The following MYCBP2 variants were observed in gnomAD, a reference collection of about 807,000 sequenced individuals.
MYCBP2 encodes MYC binding protein 2, also known as E3 ubiquitin-protein ligase MYCBP2.
In MYCBP2, 120 loss-of-function variants were observed where a neutral mutation model predicts 525.3. The observed-to-expected ratio is 0.23, with a 90% CI of 0.20 to 0.27. The LOEUF (loss-of-function observed/expected upper bound fraction) is 0.27. MYCBP2 is among the 10% of genes least tolerant of loss of function. The pLI, the probability that MYCBP2 is intolerant of heterozygous loss-of-function variation, is 1.00. For synonymous variants in MYCBP2, 1,894 were observed against 1,955.8 expected, an observed-to-expected ratio of 0.97 and a Z score of 0.83; for missense variants, 4,149 against 5,657.1, an observed-to-expected ratio of 0.73 and a Z score of 8.55.
At chr13:77,166,056 C>T (rs1470199842) in intron 41 of MYCBP2, among the ~76,000 whole-genome samples, 1 of 152,168 alleles carries the variant, frequency 6.6e-6, no homozygotes, top group Non-Finnish European at 1.5e-5. Flanking sequence ...ACTACACAGA[C>T]AGCTAGCTAC....
intron 43 of MYCBP2, among the ~76,000 whole-genome samples, chr13:77,162,669 T>C (rs898976236): frequency 2.0e-5 from 3 of 152,160 alleles, no homozygotes; most frequent in Non-Finnish European, 1.5e-5. Context: ...TCTTTTTTTT[T>C]CTTTTGAGAT....
At chr13:77,315,450 TATG>T (rs1290772329) in intron 1 of MYCBP2, among the ~76,000 whole-genome samples, 10 of 152,218 alleles carry the variant, frequency 6.6e-5, no homozygotes, top group Admixed American at 3.9e-4. Flanking sequence ...ACATTCCAAA[TATG>T]ATGGTTTTAT....
chr13:77,060,097 T>C (rs563121020), intron 76 of MYCBP2, among the ~76,000 whole-genome samples: 34 of 152,288 alleles, frequency 2.2e-4, no homozygotes, highest in Middle Eastern at 3.4e-3. Context: ...TCAGGAACTC[T>C]GCAATTTGAA....
chr13:77,244,207 T>G (rs2069453728), intron 15 of MYCBP2, among the ~76,000 whole-genome samples: 1 of 152,222 alleles, frequency 6.6e-6, no homozygotes, highest in Admixed American at 6.5e-5. Context: ...GATTCGACTA[T>G]CATCAAAGTC....
intron 46 of MYCBP2, among the ~76,000 whole-genome samples, chr13:77,152,671 G>A (rs764758919): frequency 1.3e-5 from 2 of 152,158 alleles, no homozygotes; most frequent in Non-Finnish European, 2.9e-5. Flanking sequence ...TAGGAGAGGA[G>A]CATGGCTGGA....
At chr13:77,285,828 G>C (rs1025969578) in intron 3 of MYCBP2, among the ~76,000 whole-genome samples, 4 of 144,446 alleles carry the variant, frequency 2.8e-5, no homozygotes, top group Non-Finnish European at 6.0e-5. Context: ...AAGGGAAAAG[G>C]AAAGGGAAAA....
At chr13:77,070,532 C>T (rs2041014198) in intron 69 of MYCBP2, 99 bp downstream of exon 69, 1 of 796,884 alleles carries the variant, frequency 1.3e-6, no homozygotes, top group Non-Finnish European at 2.0e-6. Flanking sequence ...TTGGACATCC[C>T]TGCTTTATAC....
chr13:77,148,258 A>T (rs1390566563), intron 47 of MYCBP2, among the ~76,000 whole-genome samples: 1 of 152,100 alleles, frequency 6.6e-6, no homozygotes, highest in African/African-American at 2.4e-5. Flanking sequence ...TTTGGTGAGT[A>T]AAAAGTGAGA....
chr13:77,096,209 T>C, intron 57 of MYCBP2, 103 bp downstream of exon 57: 2 of 1,150,512 alleles, frequency 1.7e-6, no homozygotes, highest in South Asian at 4.1e-5. Context: ...GATCTTTTAA[T>C]ATCAACTATG....
intron 45 of MYCBP2, 55 bp downstream of exon 45, chr13:77,157,882 A>G (rs1594984243): frequency 7.0e-7 from 1 of 1,423,204 alleles, no homozygotes. Flanking sequence ...CCTCTTTCAG[A>G]AATGAAGAAA....
chr13:77,131,710 T>C (rs1037846683), intron 52 of MYCBP2, among the ~76,000 whole-genome samples: 4 of 152,192 alleles, frequency 2.6e-5, no homozygotes, highest in African/African-American at 9.7e-5. Context: ...TGCATGTGTA[T>C]ATACGAACAC....
At chr13:77,091,089 A>G (rs1029341138) in intron 59 of MYCBP2, among the ~76,000 whole-genome samples, 5 of 152,120 alleles carry the variant, frequency 3.3e-5, no homozygotes, top group Non-Finnish European at 5.9e-5. Context: ...TTTTTCCATC[A>G]TTCAAGCCAG....
intron 46 of MYCBP2, among the ~76,000 whole-genome samples, chr13:77,155,551 A>G (rs547004242): frequency 1.2e-4 from 18 of 152,290 alleles, no homozygotes; most frequent in African/African-American, 4.1e-4. Flanking sequence ...GGTAAGAGGT[A>G]TCCTAAAAAC....
chr13:77,251,000 T>C, intron 15 of MYCBP2, 151 bp downstream of exon 15: 1 of 544,878 alleles, frequency 1.8e-6, no homozygotes, highest in Non-Finnish European at 3.2e-6. Context: ...ATTATAAGAA[T>C]TATAATACTT....
chr13:77,201,724 T>G (rs1039038762), intron 26 of MYCBP2, among the ~76,000 whole-genome samples: 1 of 151,784 alleles, frequency 6.6e-6, no homozygotes, highest in Non-Finnish European at 1.5e-5. Flanking sequence ...AAACTAGAAC[T>G]CAGGATTAAG....
chr13:77,059,849 C>T (rs1040953170), intron 76 of MYCBP2, among the ~76,000 whole-genome samples: 2 of 152,076 alleles, frequency 1.3e-5, no homozygotes, highest in Admixed American at 6.5e-5. Flanking sequence ...AATACACTCT[C>T]GACTAATATT....
chr13:77,070,573 A>C (rs528407232), intron 69 of MYCBP2, 58 bp downstream of exon 69: 1,710 of 1,079,502 alleles, frequency 1.6e-3, no homozygotes, highest in Admixed American at 3.4e-3. Context: ...CAAACAAACA[A>C]ACACACACAC....
rs139930687 is a variant in MYCBP2, at chr13:77,155,503, T to C, written c.6915+555A>G. Among the ~76,000 whole-genome samples the C allele has an allele frequency of 1.9e-4, 29 of 152,288 alleles. 1 individual carries two copies. The highest frequency in any genetic ancestry group is 6.7e-4 in the African/African-American group (28 of 41,582). ...TAACAGATTAAATCACAAATAATTA[T>C]GTATAATATGCTCTGAAACATTATT... is the stretch of plus-strand genomic sequence containing the variant. On this transcript the variant is annotated intron_variant, in intron 46 of 82. Transcript: ENST00000544440.
intron 52 of MYCBP2, 27 bp from the exon 53 acceptor site, chr13:77,126,569 TA>T: frequency 1.3e-6 from 2 of 1,552,274 alleles, no homozygotes; most frequent in Middle Eastern, 1.9e-4. Flanking sequence ...GAAAGAAAAA[TA>T]AACAAAATAC....
Sources: allele counts gnomAD v4.1 joint callset (sites outside exome capture counted in the v4.1 genomes callset), GRCh38; gene constraint gnomAD v4.1.1; transcripts MANE v1.5; gene names NCBI Gene and HGNC (gene_info 2026-07-23, HGNC 2026-07-21).